The following PLCH1 variants were observed in gnomAD, a reference collection of about 807,000 sequenced individuals.
PLCH1 encodes the protein phospholipase C eta 1.
Under a neutral mutation model 126.7 loss-of-function variants are expected in PLCH1, and 60 were observed. The observed-to-expected ratio is 0.47, with a 90% CI of 0.38 to 0.59. The LOEUF (loss-of-function observed/expected upper bound fraction) is 0.59. Ranked by LOEUF, PLCH1 falls within the 20% of genes least tolerant of loss-of-function variation. The probability of loss-of-function intolerance (pLI) is 0.00; values close to 1 mark genes in which losing one functional copy is unlikely to be tolerated. For synonymous variants in PLCH1, 719 were observed against 734.9 expected (o/e 0.98, Z 0.35); for missense variants, 1,723 against 2,040.0 (o/e 0.84, Z 2.99).
At chr3:155,530,760 G>A (rs1332029053) in intron 10 of PLCH1, among the ~76,000 whole-genome samples, 1 of 152,158 alleles carries the variant, frequency 6.6e-6, no homozygotes, top group Non-Finnish European at 1.5e-5. Flanking sequence ...TTAGAATGGT[G>A]AATCCTTTCT....
At position 155,539,612 on chromosome 3, in the gene PLCH1, C is replaced by T. The variant is rs559378054; in HGVS notation, c.1362+10175G>A. Among the ~76,000 whole-genome samples, 21 of 151,500 alleles carry T rather than the reference C, an allele frequency of 1.4e-4. No individual in the cohort carries two copies. The South Asian group carries it at 4.4e-3, about 32-fold the overall frequency. On this transcript the variant is annotated intron_variant, in intron 10 of 22. Transcript: ENST00000460012. ...CAATAGCACTGCTATATACCAACAA[C>T]AACCAAGCTCAACCCCTTTTACAAT...
At chr3:155,653,970 C>T (rs941004076) in intron 2 of PLCH1, among the ~76,000 whole-genome samples, 1 of 151,440 alleles carries the variant, frequency 6.6e-6, no homozygotes, top group Admixed American at 6.6e-5. Context: ...TTGTCTGTCT[C>T]CATTTCTTCC....
At chr3:155,506,345 C>CTTTTTTTTTTTTTTTTTT (rs57746252) in intron 12 of PLCH1, among the ~76,000 whole-genome samples, 2 of 130,680 alleles carry the variant, frequency 1.5e-5, no homozygotes, top group African/African-American at 2.9e-5. Context: ...TTCTCACTCT[C>CTTTTTTTTTTTTTTTTTT]TTTTTTTTTT....
At chr3:155,676,834 C>T (rs990974246) in intron 2 of PLCH1, among the ~76,000 whole-genome samples, 4 of 150,484 alleles carry the variant, frequency 2.7e-5, no homozygotes, top group Admixed American at 6.6e-5. Flanking sequence ...GGCTATTTCT[C>T]ATGTTTAAAA....
At chr3:155,661,222 G>C (rs938052737) in intron 2 of PLCH1, among the ~76,000 whole-genome samples, 1 of 152,152 alleles carries the variant, frequency 6.6e-6, no homozygotes. Context: ...GCAATGAAAG[G>C]GTTCTGTGCT....
At chr3:155,605,886 G>A (rs1734288583) in intron 2 of PLCH1, among the ~76,000 whole-genome samples, 1 of 151,968 alleles carries the variant, frequency 6.6e-6, no homozygotes, top group Non-Finnish European at 1.5e-5. Context: ...CCTCCCTTTG[G>A]AGACACCTCA....
chr3:155,490,737 T>C lies in PLCH1; in HGVS notation c.2392+47A>G, dbSNP rs2108071718. ...GACACTTTTTTTAGTGTAAATTCTA[T>C]TTCTAGACCATCTTCATTAAAAAGT... On this transcript the variant is annotated intron_variant, in intron 19 of 22. Transcript: ENST00000460012. 3 of 1,064,652 alleles carry C rather than the reference T, an allele frequency of 2.8e-6. No homozygotes were observed. The East Asian group carries it at 7.1e-5, about 25-fold the overall frequency. 66.0% of individuals were successfully genotyped at this position (1,064,652 alleles called of 1,614,324 possible). A position where few individuals can be genotyped will look rare whatever the true frequency, so the allele number is the denominator to read the frequency against.
chr3:155,678,291 A>G (rs553114297), intron 2 of PLCH1, among the ~76,000 whole-genome samples: 1 of 152,254 alleles, frequency 6.6e-6, no homozygotes, highest in Non-Finnish European at 1.5e-5. Context: ...ACACAAGCAC[A>G]TGGCAGGTTT....
intron 10 of PLCH1, among the ~76,000 whole-genome samples, chr3:155,524,456 A>C (rs1473495568): frequency 6.6e-6 from 1 of 152,182 alleles, no homozygotes; most frequent in East Asian, 1.9e-4. Context: ...AAAAATAGTT[A>C]AGATGTTAGG....
chr3:155,742,653 C>A (rs1749717710), intron 1 of PLCH1: 1 of 152,106 alleles, frequency 6.6e-6, no homozygotes, highest in South Asian at 2.1e-4. Context: ...AGTATCTGAA[C>A]CTGAAAATTA....
At chr3:155,582,763 A>C (rs779023875) in intron 6 of PLCH1, among the ~76,000 whole-genome samples, 5 of 152,184 alleles carry the variant, frequency 3.3e-5, no homozygotes, top group Non-Finnish European at 5.9e-5. Flanking sequence ...AAGGTTAAAA[A>C]ATTTGAATAA....
chr3:155,485,251 T>C, intron 22 of PLCH1, 105 bp downstream of exon 22: 1 of 688,012 alleles, frequency 1.5e-6, no homozygotes, highest in Non-Finnish European at 2.5e-6. Context: ...TATTTTTCAG[T>C]ATATTTTACT....
rs1406518712 is a variant in PLCH1 at position 155,468,461 on chromosome 3, A to C, written c.2938+16895T>G. 3.9e-5 allele frequency among the ~76,000 whole-genome samples: 6 copies of C among 152,192 alleles called. No individual in the cohort carries two copies. In the East Asian group the frequency reaches 9.6e-4, roughly 24 times the overall value. On this transcript the variant is annotated intron_variant, in intron 21 of 21. Transcript: ENST00000494598. ...CAAAAGACAGACTGGCTGAATAATG[A>C]AAAACAAGACCCACTGATCTGCTGT...
At chr3:155,457,095 T>A (rs1165590442) in intron 21 of PLCH1, 1 of 152,312 alleles carries the variant, frequency 6.6e-6, no homozygotes, top group Non-Finnish European at 1.5e-5. Context: ...AACTGCTGCC[T>A]TGCGTTGCCC....
intron 1 of PLCH1, among the ~76,000 whole-genome samples, chr3:155,721,195 G>A (rs114470461): frequency 0.013 from 1,932 of 152,244 alleles, 20 homozygotes; most frequent in Non-Finnish European, 0.019. Flanking sequence ...CTTTGGCTAT[G>A]TGGGCTTTTT....
intron 2 of PLCH1, among the ~76,000 whole-genome samples, chr3:155,625,701 C>G (rs777287191): frequency 6.6e-6 from 1 of 152,062 alleles, no homozygotes; most frequent in Non-Finnish European, 1.5e-5. Context: ...GTTAGAATGG[C>G]GATCATTAAA....
intron 21 of PLCH1, among the ~76,000 whole-genome samples, chr3:155,458,385 A>AAG (rs1712525599): frequency 2.6e-5 from 1 of 38,864 alleles, no homozygotes; most frequent in Admixed American, 2.7e-4. Context: ...AAAGAAAGAA[A>AAG]GAAGGAAGGA....
chr3:155,580,498 T>G (rs1730529876), intron 6 of PLCH1, among the ~76,000 whole-genome samples: 1 of 152,160 alleles, frequency 6.6e-6, no homozygotes, highest in African/African-American at 2.4e-5. Context: ...TAGCTCAAAT[T>G]ATGAATGTCA....
chr3:155,729,286 T>C (rs762573931), intron 1 of PLCH1, among the ~76,000 whole-genome samples: 2 of 152,196 alleles, frequency 1.3e-5, no homozygotes, highest in Non-Finnish European at 2.9e-5. Flanking sequence ...CCCTACCCCT[T>C]CTACCCAGCA....
Sources: gnomAD v4.1 joint callset for allele counts (sites outside exome capture counted in the v4.1 genomes callset) on GRCh38, gnomAD v4.1.1 for gene constraint, MANE v1.5 for transcripts, NCBI Gene and HGNC (gene_info 2026-07-23, HGNC 2026-07-21) for gene names.